Variants in TEX9 observed in about 807,000 individuals in gnomAD.
TEX9 encodes the protein testis expressed 9.
A neutral mutation model predicts 59.6 loss-of-function variants in TEX9; 74 were observed. That is an observed-to-expected ratio of 1.24 (90% CI 1.03 to 1.51). TEX9 has a LOEUF of 1.51. TEX9 is among the 40% of genes most tolerant of loss of function. TEX9 has a pLI of 0.00. For synonymous variants in TEX9, 186 were observed against 152.2 expected (o/e 1.22, Z -1.64); for missense variants, 522 against 447.8 (o/e 1.17, Z -1.49).
chr15:56,394,066 C>T (rs1214258879), intron 7 of TEX9, 99 bp from the exon 8 acceptor site: 7 of 1,103,674 alleles, frequency 6.3e-6, no homozygotes, highest in Non-Finnish European at 9.1e-6. Flanking sequence ...GACTCCCCAT[C>T]TTGAGTATTT....
chr15:56,320,820 G>A (rs192185577), intron 1 of TEX9, among the ~76,000 whole-genome samples: 2 of 152,256 alleles, frequency 1.3e-5, no homozygotes, highest in African/African-American at 4.8e-5. Context: ...TGGTCATACT[G>A]GTCTAATACT....
intron 9 of TEX9, chr15:56,396,937 A>G: frequency 6.6e-6 from 1 of 152,254 alleles, no homozygotes; most frequent in East Asian, 1.9e-4. Context: ...ACGATGAACT[A>G]ATCCAGTAAA....
chr15:56,382,803 C>G (rs1044936478), intron 3 of TEX9, among the ~76,000 whole-genome samples: 7 of 152,160 alleles, frequency 4.6e-5, no homozygotes, highest in African/African-American at 1.7e-4. Flanking sequence ...GAATGAGACA[C>G]TTTTGTTGCT....
At chr15:56,375,456 T>G (rs1490201658) in intron 3 of TEX9, among the ~76,000 whole-genome samples, 5 of 152,086 alleles carry the variant, frequency 3.3e-5, no homozygotes, top group Admixed American at 2.6e-4. Flanking sequence ...TTTCTCCCAT[T>G]TTGTAGGTTG....
At position 56,383,979 on chromosome 15, in the gene TEX9, C is replaced by G. The variant is rs1180361341; in HGVS notation, c.211C>G (p.Pro71Ala). 1.9e-6 allele frequency: 3 copies of G among 1,611,922 alleles called. No homozygotes were observed. In the African/African-American group the frequency reaches 4.0e-5, roughly 22 times the overall value. ...AGATCGGCAAGAAGTACGATCTAGG[C>G]CTGTTTCAACACAAATGAAATCATG... The change falls in exon 4 of 13, where the codon CCT becomes GCT. Residue 71 changes from proline to alanine, a missense_variant. Physicochemically the swap from Pro to Ala is conservative, Grantham distance 27. Transcript: ENST00000352903.
At position 56,275,475 on chromosome 15, in the gene TEX9, G is replaced by A. The variant is rs140417591; in HGVS notation, c.-107+31197G>A. On this transcript the variant is annotated intron_variant, in intron 1 of 5. Transcript: ENST00000560827. Reference sequence around the variant, plus strand: ...AGAGCCTATGAATGGGTGCAAATTCGTGTCATGTACATGGCTCCAAAGGAT... The same window carrying A: ...AGAGCCTATGAATGGGTGCAAATTCATGTCATGTACATGGCTCCAAAGGAT... Among the ~76,000 whole-genome samples, 411 of 152,216 alleles carry A rather than the reference G, an allele frequency of 2.7e-3. 4 individuals are homozygous for A. The highest frequency in any genetic ancestry group is 9.3e-3 in the African/African-American group (386 of 41,546).
chr15:56,311,700 A>T (rs1421822381), intron 1 of TEX9, among the ~76,000 whole-genome samples: 2 of 144,754 alleles, frequency 1.4e-5, no homozygotes, highest in African/African-American at 5.1e-5. Context: ...CCAGTTCTAG[A>T]TCCCTGAGGA....
intron 1 of TEX9, among the ~76,000 whole-genome samples, chr15:56,279,830 A>C (rs2044772237): frequency 1.3e-5 from 2 of 152,228 alleles, no homozygotes; most frequent in African/African-American, 2.4e-5. Context: ...GTTTGCGTTC[A>C]CAAAATTTTA....
exon 3 of TEX9, chr15:56,373,477 C>T (rs1345628087): frequency 1.2e-5 from 19 of 1,577,690 alleles, no homozygotes; most frequent in South Asian, 8.2e-5. Context: ...AAACAGCTGA[C>T]GTGGTTCAAC....
chr15:56,452,307 G>A, the TEX9 span, among the ~76,000 whole-genome samples: 374 of 152,190 alleles, frequency 2.5e-3, 3 homozygotes, highest in African/African-American at 8.7e-3. Flanking sequence ...CTCTACCTGT[G>A]GAAACACACA....
At chr15:56,453,654 A>C in the TEX9 span, among the ~76,000 whole-genome samples, 1 of 152,188 alleles carries the variant, frequency 6.6e-6, no homozygotes, top group Non-Finnish European at 1.5e-5. Context: ...AATTAATTAT[A>C]ACTACTAATT....
At chr15:56,317,538 T>A (rs1414227796) in intron 1 of TEX9, among the ~76,000 whole-genome samples, 1 of 152,198 alleles carries the variant, frequency 6.6e-6, no homozygotes, top group Non-Finnish European at 1.5e-5. Context: ...GTATTTCTAC[T>A]CTAATCTTTA....
At chr15:56,257,761 T>C (rs2044177175) in intron 1 of TEX9, among the ~76,000 whole-genome samples, 1 of 152,180 alleles carries the variant, frequency 6.6e-6, no homozygotes, top group Admixed American at 6.5e-5. Flanking sequence ...CTGTCGATAG[T>C]TTCTTTTGCT....
At chr15:56,446,276 G>A (rs1329978916), downstream of TEX9, among the ~76,000 whole-genome samples, 1 of 151,850 alleles carries the variant, frequency 6.6e-6, no homozygotes, top group Non-Finnish European at 1.5e-5. Flanking sequence ...TTAATTAACT[G>A]TTAATTCAGT....
intron 1 of TEX9, among the ~76,000 whole-genome samples, chr15:56,334,481 G>A (rs1273999843): frequency 6.6e-6 from 1 of 151,890 alleles, no homozygotes; most frequent in African/African-American, 2.4e-5. Flanking sequence ...ATTGGACCTC[G>A]GTCTCGTGCC....
intron 1 of TEX9, among the ~76,000 whole-genome samples, chr15:56,346,283 G>A (rs1382502614): frequency 2.0e-5 from 3 of 152,066 alleles, no homozygotes; most frequent in African/African-American, 7.2e-5. Flanking sequence ...TATGATTTGG[G>A]GTATCTCAGC....
chr15:56,413,305 TTAA>T (rs1213555022), intron 10 of TEX9, among the ~76,000 whole-genome samples: 3,601 of 83,650 alleles, frequency 0.043, 156 homozygotes, highest in African/African-American at 0.11. Context: ...ATTATTTAAT[TTAA>T]TAATTTATTA....
rs190698072 is a variant in TEX9, at chr15:56,355,573, T to C, written c.-106-17868T>C. On this transcript the variant is annotated intron_variant, in intron 1 of 5. Coordinates refer to the TEX9 transcript ENST00000560827. ...TCAACATTGCTATTCTTATTCTTTC[T>C]CAAAATTGTTTTGGCTAGTCATTCT... Among the ~76,000 whole-genome samples the C allele has an allele frequency of 5.3e-3, 805 of 152,278 alleles. 4 individuals are homozygous for C. Among genetic ancestry groups the C allele is most frequent in the Middle Eastern group, 0.01 (3 of 294 alleles).
chr15:56,365,742 C>T (rs1596121087), intron 2 of TEX9, 72 bp downstream of exon 2: 1 of 1,588,054 alleles, frequency 6.3e-7, no homozygotes, highest in Admixed American at 1.8e-5. Context: ...GTACTTTTTT[C>T]TGGAGACTGG....
Sources: gnomAD v4.1 joint callset for allele counts (sites outside exome capture counted in the v4.1 genomes callset) on GRCh38, gnomAD v4.1.1 for gene constraint, MANE v1.5 for transcripts, NCBI Gene and HGNC (gene_info 2026-07-23, HGNC 2026-07-21) for gene names.